Variants in GRIP1 observed in about 807,000 individuals in gnomAD.
GRIP1 encodes the protein glutamate receptor interacting protein 1.
In GRIP1, 45 loss-of-function variants were observed where a neutral mutation model predicts 129.9. The observed-to-expected ratio is 0.35, with a 90% confidence interval of 0.27 to 0.44. GRIP1 has a LOEUF of 0.44. Among genes scored for constraint, GRIP1 ranks in the 20% least tolerant of loss-of-function variants. The probability of loss-of-function intolerance (pLI) is 1.00; values close to 1 mark genes in which losing one functional copy is unlikely to be tolerated. For synonymous variants in GRIP1, 530 were observed against 520.8 expected, an observed-to-expected ratio of 1.02 and a Z score of -0.24; for missense variants, 1,196 against 1,396.8, an observed-to-expected ratio of 0.86 and a Z score of 2.29.
intron 1 of GRIP1, among the ~76,000 whole-genome samples, chr12:66,660,900 T>TATGTATACATGTATACATGTGTATTAC (rs765611588): frequency 2.0e-4 from 31 of 152,226 alleles, no homozygotes; most frequent in Middle Eastern, 3.4e-3. Context: ...TGTATATATT[T>TATGTATACATGTATACATGTGTATTAC]ATGTATACAT....
chr12:66,625,977 GAGA>G (rs930533830), intron 1 of GRIP1, among the ~76,000 whole-genome samples: 5 of 152,088 alleles, frequency 3.3e-5, no homozygotes, highest in African/African-American at 7.2e-5. Context: ...ACACTTAAAT[GAGA>G]AGAAGGAACC....
chr12:66,860,864 T>G (rs2040099268), intron 1 of GRIP1, among the ~76,000 whole-genome samples: 1 of 152,062 alleles, frequency 6.6e-6, no homozygotes, highest in South Asian at 2.1e-4. Context: ...ACATGCTAGT[T>G]TTCTTTCCTT....
intron 1 of GRIP1, among the ~76,000 whole-genome samples, chr12:66,788,120 A>G (rs2136836128): frequency 6.6e-6 from 1 of 152,210 alleles, no homozygotes; most frequent in Admixed American, 6.5e-5. Context: ...TCCATTCAAG[A>G]CTATTTAGAA....
At chr12:66,538,669 C>G (rs2061678993) in intron 4 of GRIP1, among the ~76,000 whole-genome samples, 1 of 151,994 alleles carries the variant, frequency 6.6e-6, no homozygotes, top group South Asian at 2.1e-4. Context: ...GTGGCGTGAT[C>G]ATGTCTCACT....
intron 7 of GRIP1, among the ~76,000 whole-genome samples, chr12:66,511,243 A>T (rs1373163371): frequency 2.0e-5 from 3 of 152,140 alleles, no homozygotes; most frequent in Non-Finnish European, 4.4e-5. Flanking sequence ...ACCTTCTGCC[A>T]TGATTGTGAA....
At position 67,047,096 on chromosome 12, in the gene GRIP1, G is replaced by A. The variant is rs143839656; in HGVS notation, c.58+21954C>T. ...ATAGAAGTGTTTTAATGAAAGCAGC[G>A]TCTTAACAGTTTTAAACATATCAGT... is the stretch of plus-strand genomic sequence containing the variant. On this transcript the variant is annotated intron_variant, in intron 1 of 1. Transcript: ENST00000643019. Among the ~76,000 whole-genome samples the A allele has an allele frequency of 1.8e-3, 271 of 152,198 alleles. 2 individuals carry two copies. The highest frequency in any genetic ancestry group is 5.5e-3 in the African/African-American group (230 of 41,528).
At position 66,357,578 on chromosome 12, in the gene GRIP1, ACTGT is replaced by A. The variant is rs574314427; in HGVS notation, c.3013-4019_3013-4016del. ...AATCTAAAGGTTTTATTTATTGATC[ACTGT>A]CTGAATCAAAATTTCATTAGGGGTT... On this transcript the variant is annotated intron_variant, in intron 23 of 24. Transcript: ENST00000359742. Among the ~76,000 whole-genome samples, 128 of 152,308 alleles carry A rather than the reference ACTGT, an allele frequency of 8.4e-4. 1 individual carries two copies. The highest frequency in any genetic ancestry group is 2.2e-3 in the Admixed American group (33 of 15,302).
intron 1 of GRIP1, among the ~76,000 whole-genome samples, chr12:66,861,580 C>A (rs1185096614): frequency 6.6e-6 from 1 of 151,984 alleles, no homozygotes; most frequent in African/African-American, 2.4e-5. Flanking sequence ...ATACAGAAAT[C>A]CCACATGGCC....
intron 7 of GRIP1, among the ~76,000 whole-genome samples, chr12:66,479,250 C>T (rs1218391438): frequency 6.6e-6 from 1 of 151,690 alleles, no homozygotes; most frequent in Non-Finnish European, 1.5e-5. Flanking sequence ...ACCACTGATC[C>T]CACAGAAATA....
rs1027585921 is a variant in GRIP1 at position 66,480,343 on chromosome 12, A to G, written c.725-14921T>C. On this transcript the variant is annotated intron_variant, in intron 7 of 24. Coordinates refer to ENST00000359742, the MANE Select transcript of GRIP1 (RefSeq NM_001366722.1). ...CAAAGTGAATAAAATACATAGGAAT[A>G]CAACTTACAAGGGATGAGAAGGACC... Among the ~76,000 whole-genome samples the G allele has an allele frequency of 2.0e-5, 3 of 152,278 alleles. No homozygotes were observed. In the East Asian group the frequency reaches 5.8e-4, roughly 29 times the overall value.
At chr12:66,987,595 C>CAGGT (rs2042331171) in intron 1 of GRIP1, among the ~76,000 whole-genome samples, 1 of 152,188 alleles carries the variant, frequency 6.6e-6, no homozygotes, top group South Asian at 2.1e-4. Flanking sequence ...ATCAACACCA[C>CAGGT]AGGTCATCTT....
chr12:66,981,075 G>A lies in GRIP1; in HGVS notation c.58+87975C>T, dbSNP rs186109067. Reference sequence around the variant, plus strand: ...CTATTCCAATTGAATTATAGTAATCGAAGCTCCTATTTATGTTAACCAAGC... The same window carrying A: ...CTATTCCAATTGAATTATAGTAATCAAAGCTCCTATTTATGTTAACCAAGC... On this transcript the variant is annotated intron_variant, in intron 1 of 1. Coordinates refer to the GRIP1 transcript ENST00000643019. Among the ~76,000 whole-genome samples, 95 of 152,180 alleles carry A rather than the reference G, an allele frequency of 6.2e-4. 2 individuals are homozygous for A. The highest frequency in any genetic ancestry group is 2.1e-3 in the South Asian group (10 of 4,816).
At chr12:66,381,642 T>A (rs187112888) in intron 19 of GRIP1, among the ~76,000 whole-genome samples, 1 of 152,222 alleles carries the variant, frequency 6.6e-6, no homozygotes, top group Non-Finnish European at 1.5e-5. Context: ...CATTTTAGAC[T>A]GATTTTCTTT....
intron 1 of GRIP1, among the ~76,000 whole-genome samples, chr12:66,779,514 T>C (rs1432994045): frequency 1.3e-5 from 2 of 152,240 alleles, no homozygotes; most frequent in African/African-American, 2.4e-5. Context: ...CACACGTTTA[T>C]TGTATCAAAG....
rs1360428404 is a variant in GRIP1 at position 66,351,270 on chromosome 12, TGAGTACACTGCTAA to T, written c.3160-2038_3160-2025del. Among the ~76,000 whole-genome samples, 4 of 152,316 alleles carry T rather than the reference TGAGTACACTGCTAA, an allele frequency of 2.6e-5. No homozygotes were observed. The East Asian group carries it at 7.7e-4, about 29-fold the overall frequency. On this transcript the variant is annotated intron_variant, in intron 24 of 24. Coordinates refer to ENST00000359742, the MANE Select transcript of GRIP1 (RefSeq NM_001366722.1). ...TGTTTGGTGACAAACTGTTTCCAGG[TGAGTACACTGCTAA>T]GACTGACTTCAACCCACTCCATTTT...
At chr12:66,718,364 G>A (rs866163020) in intron 1 of GRIP1, among the ~76,000 whole-genome samples, 4 of 151,974 alleles carry the variant, frequency 2.6e-5, no homozygotes, top group Non-Finnish European at 5.9e-5. Context: ...AATATTCAGG[G>A]TAATGTTTCT....
At chr12:66,425,651 A>G (rs1409904158) in intron 14 of GRIP1, among the ~76,000 whole-genome samples, 5 of 151,242 alleles carry the variant, frequency 3.3e-5, no homozygotes, top group East Asian at 3.9e-4. Flanking sequence ...CATAAAAAAT[A>G]ATGAGTTCAT....
At chr12:67,022,038 T>C (rs950806000) in intron 1 of GRIP1, among the ~76,000 whole-genome samples, 1 of 152,184 alleles carries the variant, frequency 6.6e-6, no homozygotes, top group African/African-American at 2.4e-5. Context: ...CACATTTTCT[T>C]CATCCATTCA....
In GRIP1 at chr12:66,609,629, T is replaced by A. The variant is rs58237343; in HGVS notation, c.56-12702A>T. On this transcript the variant is annotated intron_variant, in intron 1 of 24. Coordinates refer to ENST00000359742, the MANE Select transcript of GRIP1 (RefSeq NM_001366722.1). ...TAACTCTCCTTGGGTTATGTCTACC[T>A]CATCAACTTCACTACTTTCTTCCAT... 3.9e-3 allele frequency among the ~76,000 whole-genome samples: 601 copies of A among 152,338 alleles called. 4 individuals are homozygous for A. The highest frequency in any genetic ancestry group is 0.014 in the African/African-American group (562 of 41,576).
Sources: gnomAD v4.1 joint callset for allele counts (sites outside exome capture counted in the v4.1 genomes callset) on GRCh38, gnomAD v4.1.1 for gene constraint, MANE v1.5 for transcripts, NCBI Gene and HGNC (gene_info 2026-07-23, HGNC 2026-07-21) for gene names.